MTHFD1L: variants seen among roughly 807,000 people sequenced by gnomAD.
The protein encoded by MTHFD1L is monofunctional C1-tetrahydrofolate synthase, mitochondrial.
Under a neutral mutation model 119.5 loss-of-function variants are expected in MTHFD1L, and 81 were observed. The ratio of observed to expected loss-of-function variants is 0.68; its 90% CI spans 0.57 to 0.82. The LOEUF (loss-of-function observed/expected upper bound fraction) is 0.82, where lower values mean the gene tolerates loss of function less well. Ranked by LOEUF, MTHFD1L falls within the 40% of genes least tolerant of loss-of-function variation. The pLI, the probability that MTHFD1L is intolerant of heterozygous loss-of-function variation, is 0.00. For synonymous variants in MTHFD1L, 430 were observed against 475.2 expected (o/e 0.90, Z 1.24); for missense variants, 1,125 against 1,253.4 (o/e 0.90, Z 1.55).
At chr6:150,982,994 C>A (rs1777761871) in intron 20 of MTHFD1L, among the ~76,000 whole-genome samples, 1 of 152,200 alleles carries the variant, frequency 6.6e-6, no homozygotes, top group South Asian at 2.1e-4. Flanking sequence ...GCCACTATGA[C>A]CGGCTGAACG....
chr6:150,933,037 A>G (rs1049311508), intron 11 of MTHFD1L, among the ~76,000 whole-genome samples: 1 of 152,148 alleles, frequency 6.6e-6, no homozygotes, highest in Non-Finnish European at 1.5e-5. Flanking sequence ...AGGAGGTGAA[A>G]TAAGCTTTTT....
At chr6:150,939,295 TG>T in intron 13 of MTHFD1L, 1 of 152,396 alleles carries the variant, frequency 6.6e-6, no homozygotes, top group East Asian at 1.9e-4. Flanking sequence ...TGCACGAGGA[TG>T]ACACACAAAT....
At chr6:150,878,711 A>C (rs1339610741) in intron 4 of MTHFD1L, among the ~76,000 whole-genome samples, 2 of 152,210 alleles carry the variant, frequency 1.3e-5, no homozygotes, top group Non-Finnish European at 2.9e-5. Flanking sequence ...AGTGAGGCCC[A>C]GCAGGTCTGC....
chr6:151,044,310 T>C (rs985343821), intron 26 of MTHFD1L, among the ~76,000 whole-genome samples: 2 of 150,688 alleles, frequency 1.3e-5, no homozygotes, highest in African/African-American at 4.9e-5. Context: ...TTTTTTTTTT[T>C]CTTTTTTTTG....
Position 150,920,939 on chromosome 6 carries a change from ATTTTTTTTTT to A in MTHFD1L, c.985-1246_985-1237del, listed in dbSNP as rs869169480. Among the ~76,000 whole-genome samples the A allele has an allele frequency of 3.2e-4, 31 of 96,866 alleles. 2 individuals are homozygous for A. The South Asian group carries it at 7.9e-3, about 25-fold the overall frequency. The allele number at this position is 96,866 out of a possible 152,430, so 63.5% of individuals were successfully genotyped here. The stretch of plus-strand genomic sequence containing the variant: ...AGGCACATGCCACCACACCCAGATA[ATTTTTTTTTT>A]TTTTTTTTTTTTTTTTTTTGAGACA... On this transcript the variant is annotated intron_variant, in intron 9 of 27. Transcript: ENST00000367321.
intron 24 of MTHFD1L, among the ~76,000 whole-genome samples, chr6:151,016,119 G>GT (rs1783014241): frequency 6.6e-6 from 1 of 152,072 alleles, no homozygotes. Flanking sequence ...AGGTAGAAGA[G>GT]TTTAAGCCAT....
intron 26 of MTHFD1L, among the ~76,000 whole-genome samples, chr6:151,088,573 C>T (rs1794055773): frequency 6.6e-6 from 1 of 151,882 alleles, no homozygotes; most frequent in South Asian, 2.1e-4. Flanking sequence ...TCTCCTTCCT[C>T]GGCCTCCCAA....
At chr6:151,079,508 A>C (rs1011117162) in intron 26 of MTHFD1L, among the ~76,000 whole-genome samples, 4 of 151,830 alleles carry the variant, frequency 2.6e-5, no homozygotes, top group Non-Finnish European at 4.4e-5. Context: ...CCCAGGCTGG[A>C]GTGCGATGGC....
intron 15 of MTHFD1L, among the ~76,000 whole-genome samples, chr6:150,946,970 G>A (rs898035633): frequency 1.3e-5 from 2 of 151,484 alleles, no homozygotes; most frequent in African/African-American, 2.4e-5. Flanking sequence ...AGCTTCTCGG[G>A]AGGCTGGGGC....
rs56795003 is a variant in MTHFD1L at position 151,081,498 on chromosome 6, C to CAA, written c.2848-10945_2848-10944dup. Among the ~76,000 whole-genome samples, 868 of 97,968 alleles carry CAA rather than the reference C, an allele frequency of 8.9e-3. 4 individuals are homozygous for CAA. The highest frequency in any genetic ancestry group is 0.029 in the Middle Eastern group (6 of 206). The allele number at this position is 97,968 out of a possible 152,430, so 64.3% of individuals were successfully genotyped here. ...TGAAACGCTGCCTCTACTAAAAATGCAAAAAAAAAAAAAAAAAAAAAAAAA... is the reference window on the plus strand; with the variant it reads ...TGAAACGCTGCCTCTACTAAAAATGCAAAAAAAAAAAAAAAAAAAAAAAAAAA... On this transcript the variant is annotated intron_variant, in intron 26 of 27. Coordinates refer to ENST00000367321, the MANE Select transcript of MTHFD1L (RefSeq NM_015440.5).
At chr6:151,033,428 AT>A (rs2128529414) in intron 24 of MTHFD1L, among the ~76,000 whole-genome samples, 1 of 152,268 alleles carries the variant, frequency 6.6e-6, no homozygotes, top group African/African-American at 2.4e-5. Context: ...CCACATATGC[AT>A]CTTTACCCAC....
chr6:150,886,176 T>C (rs182598697), intron 6 of MTHFD1L, among the ~76,000 whole-genome samples: 122 of 152,322 alleles, frequency 8.0e-4, no homozygotes, highest in Non-Finnish European at 1.5e-3. Flanking sequence ...CTCATGCCTA[T>C]AATCTCAGTG....
intron 26 of MTHFD1L, among the ~76,000 whole-genome samples, chr6:151,082,170 G>A (rs1338879188): frequency 6.6e-6 from 1 of 152,142 alleles, no homozygotes; most frequent in African/African-American, 2.4e-5. Context: ...TCGGTCAAAC[G>A]GCTGATGAAT....
chr6:151,041,951 C>T lies in MTHFD1L; in HGVS notation c.2847+4834C>T, dbSNP rs75126737. 6.8e-3 allele frequency: 2,622 copies of T among 386,274 alleles called. 73 individuals carry two copies. Among genetic ancestry groups the T allele is most frequent in the African/African-American group, 0.053 (2,486 of 46,878 alleles). The allele number at this position is 386,274 out of a possible 1,614,324, so 23.9% of individuals were successfully genotyped here. A position where few individuals can be genotyped will look rare whatever the true frequency, so the allele number is the denominator to read the frequency against. On this transcript the variant is annotated intron_variant, in intron 26 of 27. Transcript: ENST00000367321. ...AATATTTACTTTTACTTTCCATGTT[C>T]ACTTATAGGCCAGGGTTTTTTTTTC... is the stretch of plus-strand genomic sequence containing the variant.
At chr6:150,918,544 G>A (rs890802539) in intron 8 of MTHFD1L, 33 bp from the exon 9 acceptor site, 54 of 1,453,722 alleles carry the variant, frequency 3.7e-5, no homozygotes, top group Non-Finnish European at 5.0e-5. Context: ...ACAGTGTACT[G>A]AAAGTCTTTT....
At chr6:151,057,260 G>A (rs986678322) in intron 26 of MTHFD1L, 24 of 984,798 alleles carry the variant, frequency 2.4e-5, no homozygotes, top group Non-Finnish European at 2.9e-5. Context: ...CATGTTCTTC[G>A]CTGAAATCAA....
rs911013712 is a variant in MTHFD1L at position 150,899,032 on chromosome 6, A to G, written c.781-6618A>G. 4 of 996,124 alleles carry G rather than the reference A, an allele frequency of 4.0e-6. No homozygotes were observed. In the South Asian group the frequency reaches 1.7e-4, roughly 42 times the overall value. 61.7% of individuals were successfully genotyped at this position (996,124 alleles called of 1,614,324 possible). ...TGCATTTTTCCTTTTATCATCTGTCATGACTTTTTTAAGTGTGAAGCTTAC... is the reference window on the plus strand; with the variant it reads ...TGCATTTTTCCTTTTATCATCTGTCGTGACTTTTTTAAGTGTGAAGCTTAC... On this transcript the variant is annotated intron_variant, in intron 7 of 27. Coordinates refer to ENST00000367321, the MANE Select transcript of MTHFD1L (RefSeq NM_015440.5).
At chr6:150,933,939 G>T (rs7769626) in intron 11 of MTHFD1L, among the ~76,000 whole-genome samples, 31,903 of 151,908 alleles carry the variant, frequency 0.21, 3,577 homozygotes, top group African/African-American at 0.25. Context: ...TTTATACTAC[G>T]CCTTCTTAGT....
intron 8 of MTHFD1L, among the ~76,000 whole-genome samples, chr6:150,911,355 A>G (rs966711122): frequency 6.6e-6 from 1 of 152,212 alleles, no homozygotes; most frequent in Non-Finnish European, 1.5e-5. Context: ...TTTGACAGTA[A>G]GAATTCAAAT....
Sources: gnomAD v4.1 joint callset for allele counts (sites outside exome capture counted in the v4.1 genomes callset) on GRCh38, gnomAD v4.1.1 for gene constraint, MANE v1.5 for transcripts, NCBI Gene and HGNC (gene_info 2026-07-23, HGNC 2026-07-21) for gene names.